The following SERPINB5 variants were observed in gnomAD, a reference collection of about 807,000 sequenced individuals.
SERPINB5 encodes serpin family B member 5.
SERPINB5 carries 27 observed loss-of-function variants against 32.2 expected under a neutral mutation model. The observed-to-expected ratio is 0.84, with a 90% CI of 0.62 to 1.16. SERPINB5 has a LOEUF of 1.16. Ranked by LOEUF, SERPINB5 falls within the 50% of genes most tolerant of loss-of-function variation. SERPINB5 has a pLI of 0.00. For missense variants in SERPINB5, 388 were observed against 436.3 expected (o/e 0.89, Z 0.99); for synonymous variants, 154 against 157.4 (o/e 0.98, Z 0.16).
chr18:63,483,335 C>G (rs9952356), intron 1 of SERPINB5, among the ~76,000 whole-genome samples: 1 of 152,220 alleles, frequency 6.6e-6, no homozygotes. Context: ...TCCACTGATC[C>G]TTGTAACACT....
chr18:63,484,699 T>C (rs1292576060), intron 2 of SERPINB5, 103 bp downstream of exon 2: 1 of 1,001,476 alleles, frequency 1.0e-6, no homozygotes, highest in East Asian at 2.8e-5. Flanking sequence ...TGGCCAGAAT[T>C]GGTCAAGATT....
chr18:63,495,946 C>T (rs936975880), intron 5 of SERPINB5, among the ~76,000 whole-genome samples: 1 of 152,098 alleles, frequency 6.6e-6, no homozygotes, highest in East Asian at 1.9e-4. Flanking sequence ...ATTACTAAAC[C>T]TTTTCTTATG....
At chr18:63,494,453 C>T (rs968798400) in intron 5 of SERPINB5, among the ~76,000 whole-genome samples, 1 of 151,718 alleles carries the variant, frequency 6.6e-6, no homozygotes, top group Admixed American at 6.6e-5. Context: ...GTGATGTGGT[C>T]TCCGTGGGTG....
rs376940464 is a variant in SERPINB5 at position 63,504,491 on chromosome 18, T to C, written c.*769T>C. ...GCCACCAACTTACAAAAACACTTCG[T>C]TCGCAGAGCTTTTCAGATTGTGGAA... On this transcript the variant is annotated 3_prime_UTR_variant, in exon 7 of 7. Coordinates refer to ENST00000382771, the MANE Select transcript of SERPINB5 (RefSeq NM_002639.5). 4.6e-5 allele frequency: 7 copies of C among 152,252 alleles called. No homozygotes were observed. The highest frequency in any genetic ancestry group is 1.4e-4 in the African/African-American group (6 of 41,462). The allele number at this position is 152,252 out of a possible 1,614,324, so 9.4% of individuals were successfully genotyped here. A position where few individuals can be genotyped will look rare whatever the true frequency, so the allele number is the denominator to read the frequency against.
chr18:63,481,293 T>A (rs973995078), intron 1 of SERPINB5, among the ~76,000 whole-genome samples: 1 of 152,238 alleles, frequency 6.6e-6, no homozygotes, highest in Non-Finnish European at 1.5e-5. Context: ...TCCTCACCAT[T>A]TGATCCACTC....
chr18:63,497,363 G>C, intron 5 of SERPINB5: 1 of 1,302,502 alleles, frequency 7.7e-7, no homozygotes, highest in Non-Finnish European at 1.1e-6. Flanking sequence ...GGGCTCTTCT[G>C]TTTGATGGTC....
At chr18:63,492,169 A>G (rs1909355525) in intron 4 of SERPINB5, among the ~76,000 whole-genome samples, 1 of 152,078 alleles carries the variant, frequency 6.6e-6, no homozygotes, top group South Asian at 2.1e-4. Context: ...TTAAGGGATC[A>G]CTCCCCTTGA....
At position 63,498,324 on chromosome 18, in the gene SERPINB5, C is replaced by T. The variant is rs1163461272; in HGVS notation, c.568-796C>T. On this transcript the variant is annotated intron_variant, in intron 5 of 6. Coordinates refer to ENST00000382771, the MANE Select transcript of SERPINB5 (RefSeq NM_002639.5). This position sits in a 1 kb window ranked among gnomAD's most constrained non-coding sequence, Gnocchi z 4.2. ...CAGGCTGGTCTTGAACTCCTGACCT[C>T]AAGTGGTCTCCCAAGGTGCAGGATT... Among the ~76,000 whole-genome samples, 1 of 152,128 alleles carries T rather than the reference C, an allele frequency of 6.6e-6. No homozygotes were observed. The highest frequency in any genetic ancestry group is 2.4e-5 in the African/African-American group (1 of 41,430).
Position 63,489,387 on chromosome 18 carries a change from T to C in SERPINB5, c.347T>C (p.Leu116Ser), listed in dbSNP as rs1917264075. 2 of 1,613,160 alleles carry C rather than the reference T, an allele frequency of 1.2e-6. No homozygotes were observed. Among genetic ancestry groups the C allele is most frequent in the East Asian group, 2.2e-5 (1 of 44,872 alleles). Residue 116 changes from leucine (L) to serine (S), a missense_variant, in exon 4 of 7, where the codon TTG (leucine) becomes TCG (serine). By Grantham distance (145) the Leu-to-Ser change is moderately radical. Coordinates refer to ENST00000382771, the MANE Select transcript of SERPINB5 (RefSeq NM_002639.5). Reference sequence around the variant, plus strand: ...ACGAAGAGACCGTATGCAAAGGAATTGGAAACTGTTGACTTCAAAGATAAA... The same window carrying C: ...ACGAAGAGACCGTATGCAAAGGAATCGGAAACTGTTGACTTCAAAGATAAA... ...SSTKRPYAKE[L>S]ETVDFKDKLE...
At chr18:63,490,327 C>T (rs116297336) in intron 4 of SERPINB5, among the ~76,000 whole-genome samples, 3,318 of 152,178 alleles carry the variant, frequency 0.022, 126 homozygotes, top group African/African-American at 0.075. Context: ...CAGTGCTTCC[C>T]CCAGGCGTCT....
At chr18:63,478,208 G>T (rs1462260570) in intron 1 of SERPINB5, among the ~76,000 whole-genome samples, 1 of 152,106 alleles carries the variant, frequency 6.6e-6, no homozygotes, top group African/African-American at 2.4e-5. Context: ...AATCCCTCTG[G>T]GTTGTGGATT....
At position 63,499,274 on chromosome 18, in the gene SERPINB5, C is replaced by A. The variant is rs373752630; in HGVS notation, c.722C>A (p.Thr241Lys). 4 of 1,580,126 alleles carry A rather than the reference C, an allele frequency of 2.5e-6. No individual in the cohort carries two copies. Among genetic ancestry groups the A allele is most frequent in the Non-Finnish European group, 3.4e-6 (4 of 1,162,204 alleles). The change falls in exon 6 of 7, where the codon ACA becomes AAA. Residue 241 changes from threonine to lysine, a missense_variant. Thr to Lys is a moderately conservative substitution (Grantham distance 78). Coordinates refer to ENST00000382771, the MANE Select transcript of SERPINB5 (RefSeq NM_002639.5). ...LLPKDVEDES[T>K]GLEKIEKQLN... ...CCCAAGGATGTGGAGGATGAGTCCACAGGCTTGGAGAAGGTAAGGAGAAGG... is the reference window on the plus strand; with the variant it reads ...CCCAAGGATGTGGAGGATGAGTCCAAAGGCTTGGAGAAGGTAAGGAGAAGG...
At chr18:63,485,543 AGAG>A (rs1269917443) in intron 2 of SERPINB5, 2 of 152,220 alleles carry the variant, frequency 1.3e-5, no homozygotes, top group African/African-American at 2.4e-5. Flanking sequence ...ACTCCTGTGA[AGAG>A]GAGATGTATC....
At chr18:63,484,741 C>CTTTTTTTTTTTTTTTTTTTTTTTTT (rs869236018) in intron 2 of SERPINB5, 145 bp downstream of exon 2, 1 of 105,678 alleles carries the variant, frequency 9.5e-6, no homozygotes, top group Non-Finnish European at 1.7e-5. Flanking sequence ...CTCTCTTAAT[C>CTTTTTTTTTTTTTTTTTTTTTTTTT]TTTTTTTTTT....
chr18:63,493,479 C>A, intron 5 of SERPINB5: 1 of 441,558 alleles, frequency 2.3e-6, no homozygotes, highest in Non-Finnish European at 4.0e-6. Context: ...AATCTTGTTC[C>A]TGATTGATTA....
At chr18:63,481,345 C>A (rs1917123778) in intron 1 of SERPINB5, among the ~76,000 whole-genome samples, 1 of 152,230 alleles carries the variant, frequency 6.6e-6, no homozygotes. Flanking sequence ...ACTCCCTCAG[C>A]ACATTAAGAT....
chr18:63,501,041 A>C (rs1001560528), intron 6 of SERPINB5, among the ~76,000 whole-genome samples: 10 of 150,320 alleles, frequency 6.7e-5, no homozygotes, highest in South Asian at 2.1e-4. Context: ...TCAATAATTT[A>C]TTTTTCTTTT....
At chr18:63,497,499 G>GGAAAAAAAAAAAAAAAAAAA (rs74169971) in intron 5 of SERPINB5, 1 of 217,032 alleles carries the variant, frequency 4.6e-6, no homozygotes, top group African/African-American at 2.5e-5. Context: ...CAACGTTTCT[G>GGAAAAAAAAAAAAAAAAAAA]AAAAAAAAAA....
chr18:63,488,291 C>G (rs1917245094), intron 3 of SERPINB5, among the ~76,000 whole-genome samples: 1 of 152,104 alleles, frequency 6.6e-6, no homozygotes, highest in African/African-American at 2.4e-5. Context: ...TTCAAGAAGC[C>G]CTGTGCTTGG....
Sources: gnomAD v4.1 joint callset for allele counts (sites outside exome capture counted in the v4.1 genomes callset) on GRCh38, gnomAD v4.1.1 for gene constraint, Gnocchi (gnomAD v3.1) non-coding constraint, MANE v1.5 for transcripts, NCBI Gene and HGNC (gene_info 2026-07-23, HGNC 2026-07-21) for gene names.